The following HSPA12A variants were observed in gnomAD, a reference collection of about 807,000 sequenced individuals.
HSPA12A encodes heat shock 70 kDa protein 12A.
Under a neutral mutation model 69.2 loss-of-function variants are expected in HSPA12A, and 28 were observed. The observed-to-expected ratio is 0.40, with a 90% CI of 0.30 to 0.55. The LOEUF (loss-of-function observed/expected upper bound fraction) is 0.55. Ranked by LOEUF, HSPA12A falls within the 20% of genes least tolerant of loss-of-function variation. HSPA12A has a pLI of 0.38. For synonymous variants in HSPA12A, 345 were observed against 370.5 expected, an observed-to-expected ratio of 0.93 and a Z score of 0.79; for missense variants, 686 against 900.7, an observed-to-expected ratio of 0.76 and a Z score of 3.05.
At chr10:116,837,286 G>C (rs1589734034) in intron 1 of HSPA12A, among the ~76,000 whole-genome samples, 1 of 152,140 alleles carries the variant, frequency 6.6e-6, no homozygotes, top group East Asian at 1.9e-4. Flanking sequence ...ATCTAAATCA[G>C]AAAGAAACCT....
chr10:116,722,360 C>T (rs967258701), intron 1 of HSPA12A, among the ~76,000 whole-genome samples: 5 of 152,162 alleles, frequency 3.3e-5, no homozygotes, highest in Admixed American at 1.3e-4. Context: ...AGTGGGAGCT[C>T]GTGCTAGGGA....
In HSPA12A at chr10:116,726,775, T is replaced by C. The variant is rs1850977897; in HGVS notation, c.40+15655A>G. On this transcript the variant is annotated intron_variant, in intron 1 of 11. Coordinates refer to ENST00000369209, the MANE Select transcript of HSPA12A (RefSeq NM_025015.3). ...GGCTCACTGTCACTTTCTAGGTTTC[T>C]GTTTCTTCATGTGGAAAATGAAGTT... Among the ~76,000 whole-genome samples the C allele has an allele frequency of 2.6e-5, 4 of 152,214 alleles. No individual in the cohort carries two copies. In the South Asian group the frequency reaches 8.3e-4, roughly 32 times the overall value.
At chr10:116,718,040 C>G (rs191498863) in intron 1 of HSPA12A, among the ~76,000 whole-genome samples, 1,668 of 152,288 alleles carry the variant, frequency 0.011, 25 homozygotes, top group African/African-American at 0.039. Flanking sequence ...TACAGGGAAG[C>G]TCAGTCTCCA....
At chr10:116,755,609 CA>C (rs1204991661) in intron 2 of HSPA12A, among the ~76,000 whole-genome samples, 506 of 46,040 alleles carry the variant, frequency 0.011, 1 homozygote, top group Middle Eastern at 0.058. Context: ...GAGACTGTCT[CA>C]AAAAAAAAAA....
chr10:116,689,045 C>T (rs1049808565), intron 6 of HSPA12A, among the ~76,000 whole-genome samples: 2 of 152,076 alleles, frequency 1.3e-5, no homozygotes, highest in Non-Finnish European at 2.9e-5. Flanking sequence ...CAACTCAAGG[C>T]GAGTTTCTGG....
intron 2 of HSPA12A, among the ~76,000 whole-genome samples, chr10:116,756,748 T>C (rs1554888825): frequency 6.6e-6 from 1 of 152,148 alleles, no homozygotes; most frequent in African/African-American, 2.4e-5. Context: ...AAAACAAGCA[T>C]GGATTAAGGG....
intron 1 of HSPA12A, among the ~76,000 whole-genome samples, chr10:116,741,274 G>A (rs1325374717): frequency 1.3e-5 from 2 of 152,262 alleles, no homozygotes; most frequent in Admixed American, 1.3e-4. Context: ...GGTGGGGGCC[G>A]CAGGCCCGAC....
intron 1 of HSPA12A, among the ~76,000 whole-genome samples, chr10:116,719,592 G>A (rs1228452168): frequency 1.3e-5 from 2 of 152,176 alleles, no homozygotes; most frequent in East Asian, 3.9e-4. Flanking sequence ...ACAAATTACT[G>A]AACTTCTCTG....
intron 2 of HSPA12A, among the ~76,000 whole-genome samples, chr10:116,826,017 A>G (rs1026291645): frequency 6.6e-6 from 1 of 152,162 alleles, no homozygotes; most frequent in African/African-American, 2.4e-5. Context: ...AGATGTGTGA[A>G]GGGCTGTCAC....
chr10:116,724,694 C>T (rs1217296751), intron 1 of HSPA12A, among the ~76,000 whole-genome samples: 6 of 152,224 alleles, frequency 3.9e-5, no homozygotes, highest in African/African-American at 1.4e-4. Context: ...TCAGGTTTTA[C>T]CCAAAACCTT....
intron 1 of HSPA12A, among the ~76,000 whole-genome samples, chr10:116,729,739 A>T (rs1399428901): frequency 2.0e-5 from 3 of 152,236 alleles, no homozygotes; most frequent in Non-Finnish European, 4.4e-5. Context: ...ATTCAAGGCC[A>T]TGTTGTTCAA....
At chr10:116,729,960 C>G (rs560792738) in intron 1 of HSPA12A, among the ~76,000 whole-genome samples, 2 of 152,216 alleles carry the variant, frequency 1.3e-5, no homozygotes, top group African/African-American at 4.8e-5. Flanking sequence ...TGGCTTACGC[C>G]TGTAATCCCA....
At chr10:116,731,292 C>A (rs1354222921) in intron 1 of HSPA12A, among the ~76,000 whole-genome samples, 1 of 152,200 alleles carries the variant, frequency 6.6e-6, no homozygotes, top group African/African-American at 2.4e-5. Flanking sequence ...CAGTGAGGAT[C>A]CAGGGATGGT....
chr10:116,711,823 C>T (rs1850442172), intron 1 of HSPA12A, among the ~76,000 whole-genome samples: 1 of 150,602 alleles, frequency 6.6e-6, no homozygotes, highest in African/African-American at 2.5e-5. Flanking sequence ...GCCAACGCGC[C>T]CAGCTAATGT....
intron 1 of HSPA12A, among the ~76,000 whole-genome samples, chr10:116,838,118 C>T (rs910991819): frequency 1.4e-4 from 22 of 152,122 alleles, no homozygotes; most frequent in Admixed American, 1.1e-3. Flanking sequence ...TTACTCCACA[C>T]GACAATTTCT....
At position 116,671,221 on chromosome 10, in the gene HSPA12A, T is replaced by A. The variant is rs1349415958; in HGVS notation, c.*3560A>T. On this transcript the variant is annotated 3_prime_UTR_variant, in exon 12 of 12. Transcript: ENST00000369209. Reference sequence around the variant, plus strand: ...ATTCAGAGTTTTGCTTTATTAGGCGTCTGTGAAGACAAGAGAGTTTGCAGA... The same window carrying A: ...ATTCAGAGTTTTGCTTTATTAGGCGACTGTGAAGACAAGAGAGTTTGCAGA... The A allele has an allele frequency of 1.3e-5, 2 of 152,166 alleles. No homozygotes were observed. The highest frequency in any genetic ancestry group is 4.8e-5 in the African/African-American group (2 of 41,438). The allele number at this position is 152,166 out of a possible 1,614,324, so 9.4% of individuals were successfully genotyped here. A position where few individuals can be genotyped will look rare whatever the true frequency, so the allele number is the denominator to read the frequency against.
At chr10:116,771,056 C>T (rs1844195254) in intron 2 of HSPA12A, among the ~76,000 whole-genome samples, 1 of 151,666 alleles carries the variant, frequency 6.6e-6, no homozygotes, top group Non-Finnish European at 1.5e-5. Context: ...GTGGGGCATT[C>T]TCAAGTGTGC....
chr10:116,827,950 C>T (rs1025990588), intron 2 of HSPA12A, among the ~76,000 whole-genome samples: 13 of 152,266 alleles, frequency 8.5e-5, no homozygotes, highest in Non-Finnish European at 1.5e-4. Context: ...CTTTGTTCTG[C>T]GACTGGGAAG....
At chr10:116,820,167 G>A (rs971897145) in intron 2 of HSPA12A, among the ~76,000 whole-genome samples, 1 of 152,110 alleles carries the variant, frequency 6.6e-6, no homozygotes, top group Non-Finnish European at 1.5e-5. Flanking sequence ...TACTGAGTCA[G>A]TACCATTAGA....
Sources: gnomAD v4.1 joint callset for allele counts (sites outside exome capture counted in the v4.1 genomes callset) on GRCh38, gnomAD v4.1.1 for gene constraint, MANE v1.5 for transcripts, NCBI Gene and HGNC (gene_info 2026-07-23, HGNC 2026-07-21) for gene names.